Variants in ATXN10 observed in about 807,000 individuals in gnomAD.
ATXN10 encodes ataxin 10.
Under a neutral mutation model 52.9 loss-of-function variants are expected in ATXN10, and 28 were observed. That is an observed-to-expected ratio of 0.53 (90% confidence interval 0.39 to 0.73). The LOEUF (loss-of-function observed/expected upper bound fraction) is 0.73. Among genes scored for constraint, ATXN10 ranks in the 30% least tolerant of loss-of-function variants. The pLI is 0.00. For synonymous variants in ATXN10, 226 were observed against 221.5 expected, an observed-to-expected ratio of 1.02 and a Z score of -0.18; for missense variants, 565 against 577.0, an observed-to-expected ratio of 0.98 and a Z score of 0.21.
intron 5 of ATXN10, among the ~76,000 whole-genome samples, chr22:45,717,012 T>C (rs1924473578): frequency 6.6e-6 from 1 of 152,200 alleles, no homozygotes; most frequent in Non-Finnish European, 1.5e-5. Context: ...AATAGTATTT[T>C]GTTGCTTGTA....
In ATXN10 at chr22:45,793,600, T is replaced by G. The variant is rs566788794; in HGVS notation, c.1174-13359T>G. 3.8e-6 allele frequency: 5 copies of G among 1,322,542 alleles called. No individual in the cohort carries two copies. In the African/African-American group the frequency reaches 7.5e-5, roughly 20 times the overall value. 81.9% of individuals were successfully genotyped at this position (1,322,542 alleles called of 1,614,324 possible). On this transcript the variant is annotated intron_variant, in intron 9 of 11. Transcript: ENST00000252934. ...AATTCTGGAGCCTGCACCTTCATTTTAGGCAGCTATTGCTTCAGAAGTCAC... is the reference window on the plus strand; with the variant it reads ...AATTCTGGAGCCTGCACCTTCATTTGAGGCAGCTATTGCTTCAGAAGTCAC...
intron 2 of ATXN10, among the ~76,000 whole-genome samples, chr22:45,691,239 C>A (rs117812618): frequency 2.0e-5 from 3 of 152,048 alleles, no homozygotes; most frequent in Non-Finnish European, 4.4e-5. Context: ...ACAAGGTGCT[C>A]TAGTGTGATG....
At position 45,712,433 on chromosome 22, in the gene ATXN10, A is replaced by G. The variant is rs1924285341; in HGVS notation, c.648-5980A>G. Among the ~76,000 whole-genome samples, 1 of 152,234 alleles carries G rather than the reference A, an allele frequency of 6.6e-6. No individual in the cohort carries two copies. Among genetic ancestry groups the G allele is most frequent in the African/African-American group, 2.4e-5 (1 of 41,462 alleles). On this transcript the variant is annotated intron_variant, in intron 5 of 11. Transcript: ENST00000252934. This position sits in a 1 kb window ranked among gnomAD's most constrained non-coding sequence, Gnocchi z 4.6. ...ATTTTTGTTGGAGTTGAATTCTGAT[A>G]CATTATTACTGGAAACAGGAGAAGC...
intron 9 of ATXN10, among the ~76,000 whole-genome samples, chr22:45,752,257 A>C (rs939288543): frequency 1.3e-5 from 2 of 152,194 alleles, no homozygotes; most frequent in African/African-American, 4.8e-5. Flanking sequence ...GATTTGGCCT[A>C]CTGTTCTCTC....
chr22:45,818,611 G>A lies in ATXN10; in HGVS notation c.1237+11589G>A, dbSNP rs1928544182. ...TCAGCGGACCGGGGCAGGGATCAGGGATCAACAGCCTGGGGCAGGGATCAG... is the reference window on the plus strand; with the variant it reads ...TCAGCGGACCGGGGCAGGGATCAGGAATCAACAGCCTGGGGCAGGGATCAG... On this transcript the variant is annotated intron_variant, in intron 10 of 11. Transcript: ENST00000252934. The surrounding 1 kb of genome is among the most constrained non-coding windows in gnomAD (Gnocchi z 4.6). 6.6e-6 allele frequency among the ~76,000 whole-genome samples: 1 copy of A among 151,886 alleles called. No homozygotes were observed. Among genetic ancestry groups the A allele is most frequent in the African/African-American group, 2.4e-5 (1 of 41,224 alleles).
rs114362489 is a variant in ATXN10, at chr22:45,680,792, C to T, written c.116+8613C>T. On this transcript the variant is annotated intron_variant, in intron 1 of 11. Transcript: ENST00000252934. ...TTTAAGGTTTTTTTACATGAATCCT[C>T]TTCTGACTCCCCAGTTCTTAAGATC... Among the ~76,000 whole-genome samples the T allele has an allele frequency of 7.5e-3, 1,148 of 152,170 alleles. 19 individuals carry two copies. The highest frequency in any genetic ancestry group is 0.026 in the African/African-American group (1,082 of 41,520).
At chr22:45,808,319 A>G (rs1378959378) in intron 10 of ATXN10, among the ~76,000 whole-genome samples, 1 of 152,270 alleles carries the variant, frequency 6.6e-6, no homozygotes, top group Non-Finnish European at 1.5e-5. Flanking sequence ...ACGATGATTT[A>G]TTATGAAAAA....
intron 5 of ATXN10, among the ~76,000 whole-genome samples, chr22:45,717,632 T>C (rs1924495290): frequency 6.6e-6 from 1 of 152,222 alleles, no homozygotes. Flanking sequence ...GTAGTTAATA[T>C]GCTTCATTTG....
chr22:45,740,564 A>T (rs780611876), intron 9 of ATXN10, 26 bp downstream of exon 9: 2 of 1,604,302 alleles, frequency 1.2e-6, no homozygotes. Context: ...AGTATGTATT[A>T]TACATGTATG....
intron 10 of ATXN10, among the ~76,000 whole-genome samples, chr22:45,829,819 G>T (rs1260161998): frequency 6.6e-6 from 1 of 152,112 alleles, no homozygotes; most frequent in African/African-American, 2.4e-5. Flanking sequence ...CAGATTTAAT[G>T]CAAGTCATGT....
In ATXN10 at chr22:45,790,169, C is replaced by T. The variant is rs1481706267; in HGVS notation, c.1174-16790C>T. 1.3e-5 allele frequency among the ~76,000 whole-genome samples: 2 copies of T among 152,148 alleles called. No homozygotes were observed. Among genetic ancestry groups the T allele is most frequent in the East Asian group, 1.9e-4 (1 of 5,194 alleles). ...TAAATTGAAATTCAAAATATATTCT[C>T]CCTGATTTCTTATTCTGCACAATCC... On this transcript the variant is annotated intron_variant, in intron 9 of 11. Coordinates refer to ENST00000252934, the MANE Select transcript of ATXN10 (RefSeq NM_013236.4). The surrounding 1 kb of genome is among the most constrained non-coding windows in gnomAD (Gnocchi z 4.7).
intron 1 of ATXN10, among the ~76,000 whole-genome samples, chr22:45,685,003 A>G (rs1383633471): frequency 6.6e-6 from 1 of 152,068 alleles, no homozygotes; most frequent in Non-Finnish European, 1.5e-5. Flanking sequence ...TAAACCACAT[A>G]TGCCAGTTTT....
At chr22:45,714,265 A>T (rs1328558486) in intron 5 of ATXN10, among the ~76,000 whole-genome samples, 3 of 151,502 alleles carry the variant, frequency 2.0e-5, no homozygotes, top group Admixed American at 6.6e-5. Flanking sequence ...CTATTTTTCT[A>T]TTGGGGTATT....
At chr22:45,748,023 A>AC (rs1175906270) in intron 9 of ATXN10, among the ~76,000 whole-genome samples, 6 of 152,016 alleles carry the variant, frequency 3.9e-5, no homozygotes, top group Non-Finnish European at 7.4e-5. Flanking sequence ...ACGTAATAAG[A>AC]CCGTTTCTCT....
Position 45,843,587 on chromosome 22 carries a change from C to A in ATXN10, c.1426-82C>A. 1.5e-6 allele frequency: 2 copies of A among 1,355,148 alleles called. No individual in the cohort carries two copies. Among genetic ancestry groups the A allele is most frequent in the South Asian group, 1.2e-5 (1 of 83,438 alleles). The allele number at this position is 1,355,148 out of a possible 1,614,324, so 83.9% of individuals were successfully genotyped here. ...TTATTTGTCACCACTGACCAAAGTT[C>A]TGGGTTTTTTCCCCTTTTGTCTGAT... On this transcript the variant is annotated intron_variant, in intron 11 of 11. Coordinates refer to ENST00000252934, the MANE Select transcript of ATXN10 (RefSeq NM_013236.4). This position sits in a 1 kb window ranked among gnomAD's most constrained non-coding sequence, Gnocchi z 4.5.
At chr22:45,793,802 G>T in intron 9 of ATXN10, 1 of 1,312,808 alleles carries the variant, frequency 7.6e-7, no homozygotes, top group Non-Finnish European at 9.8e-7. Context: ...TTGGGACTTA[G>T]CCTGGGAAGG....
intron 10 of ATXN10, among the ~76,000 whole-genome samples, chr22:45,814,332 AG>A (rs1928387071): frequency 6.6e-6 from 1 of 152,362 alleles, no homozygotes; most frequent in East Asian, 1.9e-4. Context: ...ACTTCACAAG[AG>A]AAGAAATCCA....
rs1926823804 is a variant in ATXN10 at position 45,772,883 on chromosome 22, G to A, written c.1173+32345G>A. On this transcript the variant is annotated intron_variant, in intron 9 of 11. Coordinates refer to ENST00000252934, the MANE Select transcript of ATXN10 (RefSeq NM_013236.4). The surrounding 1 kb of genome is among the most constrained non-coding windows in gnomAD (Gnocchi z 4.1). ...GAAGTCCCTGATACAAAATGGTATG[G>A]TATTTGCATATCACCTATGTACATC... 6.6e-6 allele frequency among the ~76,000 whole-genome samples: 1 copy of A among 152,150 alleles called. No individual in the cohort carries two copies.
rs573820370 is a variant in ATXN10, at chr22:45,787,763, A to G, written c.1174-19196A>G. Among the ~76,000 whole-genome samples, 14 of 152,372 alleles carry G rather than the reference A, an allele frequency of 9.2e-5. No homozygotes were observed. Among genetic ancestry groups the G allele is most frequent in the Admixed American group, 2.0e-4 (3 of 15,314 alleles). On this transcript the variant is annotated intron_variant, in intron 9 of 11. Transcript: ENST00000252934. This position sits in a 1 kb window ranked among gnomAD's most constrained non-coding sequence, Gnocchi z 4.2. ...GCATATTTCACAGCCCGCAGTTTGG[A>G]AATACATTTCTGAAAGAAGTTACCC...
Sources: allele counts gnomAD v4.1 joint callset (sites outside exome capture counted in the v4.1 genomes callset), GRCh38; gene constraint gnomAD v4.1.1; non-coding constraint Gnocchi (gnomAD v3.1); transcripts MANE v1.5; gene names NCBI Gene and HGNC (gene_info 2026-07-23, HGNC 2026-07-21).